Variants in SLC13A3 observed in about 807,000 individuals in gnomAD.
The protein encoded by SLC13A3 is solute carrier family 13 member 3.
Under a neutral mutation model 59.0 loss-of-function variants are expected in SLC13A3, and 40 were observed. The ratio of observed to expected loss-of-function variants is 0.68; its 90% CI spans 0.53 to 0.88. The LOEUF (loss-of-function observed/expected upper bound fraction) is 0.88, where lower values mean the gene tolerates loss of function less well. SLC13A3 is among the 40% of genes least tolerant of loss of function. The pLI, the probability that SLC13A3 is intolerant of heterozygous loss-of-function variation, is 0.00. For missense variants in SLC13A3, 699 were observed against 783.2 expected (o/e 0.89, Z 1.28); for synonymous variants, 317 against 330.3 (o/e 0.96, Z 0.44).
chr20:46,681,715 G>C (rs1474441268), intron 1 of SLC13A3: 1 of 152,220 alleles, frequency 6.6e-6, no homozygotes, highest in East Asian at 1.9e-4. Flanking sequence ...TACTGTTATG[G>C]AGGAATACAA....
At chr20:46,609,158 T>A in intron 3 of SLC13A3, 1 of 1,437,760 alleles carries the variant, frequency 7.0e-7, no homozygotes, top group Non-Finnish European at 9.2e-7. Flanking sequence ...GTTATGTAAA[T>A]TAAAAGTAAG....
intron 3 of SLC13A3, among the ~76,000 whole-genome samples, chr20:46,607,788 G>A (rs117068934): frequency 0.034 from 5,218 of 152,268 alleles, 105 homozygotes; most frequent in Non-Finnish European, 0.048. Flanking sequence ...CAGCCAGCCC[G>A]GATTCAAAAT....
intron 1 of SLC13A3, among the ~76,000 whole-genome samples, chr20:46,676,279 A>G (rs1287011558): frequency 2.0e-5 from 3 of 151,860 alleles, no homozygotes; most frequent in East Asian, 1.9e-4. Flanking sequence ...GTTTCATGAA[A>G]TTTTACAAAC....
intron 4 of SLC13A3, among the ~76,000 whole-genome samples, chr20:46,596,584 T>C (rs1016247385): frequency 1.3e-5 from 2 of 152,134 alleles, no homozygotes; most frequent in Non-Finnish European, 2.9e-5. Context: ...ATAATTTAAA[T>C]GAAGGACAGT....
At chr20:46,600,319 GAAGGA>G (rs1191685162) in intron 3 of SLC13A3, among the ~76,000 whole-genome samples, 10 of 128,440 alleles carry the variant, frequency 7.8e-5, no homozygotes, top group East Asian at 2.5e-4. Flanking sequence ...AAGAGGGAAG[GAAGGA>G]AAGGAAGGAA....
chr20:46,594,660 T>C (rs425766), intron 5 of SLC13A3, among the ~76,000 whole-genome samples: 95,201 of 152,002 alleles, frequency 0.63, 30,887 homozygotes, highest in African/African-American at 0.8. Context: ...TAAAGGATAG[T>C]GATAAAAAGA....
chr20:46,603,406 G>A (rs558272998), intron 3 of SLC13A3, among the ~76,000 whole-genome samples: 3 of 152,066 alleles, frequency 2.0e-5, no homozygotes, highest in South Asian at 2.1e-4. Context: ...ATAGGATCTC[G>A]TTCTGTTGCC....
chr20:46,668,957 C>A (rs192610657), intron 1 of SLC13A3, among the ~76,000 whole-genome samples: 6 of 152,324 alleles, frequency 3.9e-5, no homozygotes, highest in Non-Finnish European at 7.3e-5. Context: ...TCTTAAAGAA[C>A]TTCCACAGTC....
At chr20:46,588,295 A>T (rs2062215125) in intron 7 of SLC13A3, 132 bp from the exon 8 acceptor site, 2 of 557,800 alleles carry the variant, frequency 3.6e-6, no homozygotes, top group African/African-American at 1.9e-5. Flanking sequence ...GAAGTCATCC[A>T]CTCCCCAGGG....
At chr20:46,624,998 G>A (rs1468964705) in intron 1 of SLC13A3, among the ~76,000 whole-genome samples, 5 of 152,156 alleles carry the variant, frequency 3.3e-5, no homozygotes, top group African/African-American at 7.2e-5. Flanking sequence ...CTAGTCTCCC[G>A]ACTCTGTAAT....
intron 1 of SLC13A3, among the ~76,000 whole-genome samples, chr20:46,664,581 A>G (rs1423704077): frequency 6.6e-6 from 1 of 152,222 alleles, no homozygotes; most frequent in African/African-American, 2.4e-5. Context: ...GACCTCATGG[A>G]ACTTAAATGA....
At chr20:46,604,417 A>G (rs1173899441) in intron 3 of SLC13A3, among the ~76,000 whole-genome samples, 2 of 152,176 alleles carry the variant, frequency 1.3e-5, no homozygotes, top group African/African-American at 2.4e-5. Context: ...TCTTTGGTGA[A>G]GGCCATTGAC....
intron 1 of SLC13A3, among the ~76,000 whole-genome samples, chr20:46,631,796 A>G (rs758474638): frequency 1.5e-4 from 23 of 152,210 alleles, no homozygotes; most frequent in Non-Finnish European, 2.9e-4. Flanking sequence ...GTGGAGAGAG[A>G]GAGAAAAAAA....
chr20:46,661,646 G>T (rs1460783408), intron 1 of SLC13A3, among the ~76,000 whole-genome samples: 7 of 152,134 alleles, frequency 4.6e-5, no homozygotes, highest in Non-Finnish European at 1.0e-4. Context: ...CACCTGGGAG[G>T]ATTTTTTCAG....
intron 3 of SLC13A3, 45 bp from the exon 4 acceptor site, chr20:46,600,082 G>C (rs1318331381): frequency 2.1e-6 from 3 of 1,426,480 alleles, no homozygotes; most frequent in Non-Finnish European, 2.9e-6. Flanking sequence ...GTAGCGAATG[G>C]AACAGGAGTG....
At chr20:46,585,672 A>T in intron 8 of SLC13A3, 2 of 1,294,808 alleles carry the variant, frequency 1.5e-6, no homozygotes, top group Middle Eastern at 2.1e-4. Flanking sequence ...GTATATCAGA[A>T]TTAGAGACTG....
chr20:46,612,122 TG>T (rs2062504057), intron 2 of SLC13A3, among the ~76,000 whole-genome samples: 1 of 131,822 alleles, frequency 7.6e-6, no homozygotes, highest in Non-Finnish European at 1.5e-5. Context: ...TCTCTCTCTT[TG>T]CTTTTTTTTT....
intron 1 of SLC13A3, among the ~76,000 whole-genome samples, chr20:46,638,271 CG>C (rs1568950665): frequency 6.6e-6 from 1 of 152,172 alleles, no homozygotes; most frequent in Non-Finnish European, 1.5e-5. Flanking sequence ...GAATTCTGAG[CG>C]GGGCCACAGG....
chr20:46,637,283 G>A (rs998242990), intron 1 of SLC13A3, among the ~76,000 whole-genome samples: 19 of 109,826 alleles, frequency 1.7e-4, no homozygotes, highest in African/African-American at 4.8e-4. Flanking sequence ...TTGACAATGC[G>A]CCTCCACTGC....
Sources: allele counts gnomAD v4.1 joint callset (sites outside exome capture counted in the v4.1 genomes callset), GRCh38; gene constraint gnomAD v4.1.1; transcripts MANE v1.5; gene names NCBI Gene and HGNC (gene_info 2026-07-23, HGNC 2026-07-21).